EYS: variants seen among roughly 807,000 people sequenced by gnomAD.
The protein encoded by EYS is EGF-like photoreceptor maintenance factor, also known as protein eyes shut homolog.
EYS carries 250 observed loss-of-function variants against 282.1 expected under a neutral mutation model. The observed-to-expected ratio is 0.89, with a 90% CI of 0.80 to 0.98. EYS has a LOEUF of 0.98. Ranked by LOEUF, EYS falls within the 50% of genes least tolerant of loss-of-function variation. EYS has a pLI of 0.00. For missense variants in EYS, 4,016 were observed against 3,709.0 expected (o/e 1.08, Z -2.15); for synonymous variants, 1,355 against 1,282.9 (o/e 1.06, Z -1.20).
chr6:64,346,425 C>T (rs1043512275), intron 29 of EYS, among the ~76,000 whole-genome samples: 77 of 151,788 alleles, frequency 5.1e-4, no homozygotes, highest in Non-Finnish European at 9.1e-4. Context: ...AGCTGGAAAC[C>T]ATCATTCTCA....
intron 36 of EYS, among the ~76,000 whole-genome samples, chr6:63,840,052 T>C (rs1458852261): frequency 1.4e-5 from 2 of 148,038 alleles, no homozygotes; most frequent in Non-Finnish European, 3.0e-5. Flanking sequence ...CCATTTCTTT[T>C]TTTTTTTTTT....
intron 31 of EYS, among the ~76,000 whole-genome samples, chr6:64,167,999 A>T (rs1764348123): frequency 6.6e-6 from 1 of 152,216 alleles, no homozygotes; most frequent in South Asian, 2.1e-4. Context: ...GCAGTGGCTC[A>T]CGCCTGTAAT....
intron 26 of EYS, among the ~76,000 whole-genome samples, chr6:64,563,117 G>T (rs1266759432): frequency 6.6e-6 from 1 of 151,952 alleles, no homozygotes; most frequent in Non-Finnish European, 1.5e-5. Context: ...TAGTTTTAGA[G>T]ATGAAATTAA....
intron 12 of EYS, among the ~76,000 whole-genome samples, chr6:65,260,074 G>C (rs868760592): frequency 3.9e-5 from 6 of 152,148 alleles, no homozygotes; most frequent in Middle Eastern, 3.4e-3. Context: ...GGAGGCCTCA[G>C]GAAACTTAAA....
intron 26 of EYS, among the ~76,000 whole-genome samples, chr6:64,486,222 C>T (rs1279200759): frequency 3.3e-5 from 5 of 151,372 alleles, no homozygotes; most frequent in Admixed American, 6.6e-5. Flanking sequence ...AGCGAGAATA[C>T]AGTTATTTCT....
At chr6:65,106,144 C>T (rs542230689) in intron 12 of EYS, among the ~76,000 whole-genome samples, 32 of 151,976 alleles carry the variant, frequency 2.1e-4, no homozygotes, top group African/African-American at 7.2e-4. Context: ...GAAACTCTTA[C>T]GCAGTATGGA....
chr6:65,392,288 A>G (rs1259820852), intron 7 of EYS, among the ~76,000 whole-genome samples: 4 of 151,988 alleles, frequency 2.6e-5, no homozygotes, highest in East Asian at 1.9e-4. Flanking sequence ...AAAACACCAA[A>G]AGCAATGGCA....
intron 26 of EYS, among the ~76,000 whole-genome samples, chr6:64,498,629 C>A (rs1441280270): frequency 6.6e-6 from 1 of 151,906 alleles, no homozygotes; most frequent in Admixed American, 6.6e-5. Flanking sequence ...CCCTTTCCCC[C>A]CACCCACCAA....
chr6:64,254,892 A>G (rs1767339811), intron 30 of EYS, among the ~76,000 whole-genome samples: 1 of 152,140 alleles, frequency 6.6e-6, no homozygotes, highest in Non-Finnish European at 1.5e-5. Flanking sequence ...ATATAGAAGC[A>G]AAGTGAAAAG....
intron 12 of EYS, among the ~76,000 whole-genome samples, chr6:65,285,688 C>A (rs1768343337): frequency 6.6e-6 from 1 of 151,826 alleles, no homozygotes; most frequent in Non-Finnish European, 1.5e-5. Context: ...TGTATAGTGT[C>A]AACAAATATG....
At chr6:63,880,426 G>A (rs542699085) in intron 35 of EYS, among the ~76,000 whole-genome samples, 5 of 151,362 alleles carry the variant, frequency 3.3e-5, no homozygotes, top group African/African-American at 1.2e-4. Context: ...GATCATGTAA[G>A]TTAAAACTTA....
rs1393219608 is a variant in EYS at position 65,494,647 on chromosome 6, T to G, written c.748+16A>C. On this transcript the variant is annotated intron_variant, in intron 4 of 42. Coordinates refer to ENST00000503581, the MANE Select transcript of EYS (RefSeq NM_001142800.2). Reference sequence around the variant, plus strand: ...TTCTCTATTTTAATAAAATTATATATTTTAAACAATCTTACCTGTAAATGG... The same window carrying G: ...TTCTCTATTTTAATAAAATTATATAGTTTAAACAATCTTACCTGTAAATGG... 2 of 1,536,646 alleles carry G rather than the reference T, an allele frequency of 1.3e-6. No homozygotes were observed. The highest frequency in any genetic ancestry group is 1.2e-5 in the South Asian group (1 of 83,436).
At chr6:64,977,702 T>G (rs575650955) in intron 14 of EYS, among the ~76,000 whole-genome samples, 10 of 150,010 alleles carry the variant, frequency 6.7e-5, no homozygotes, top group African/African-American at 2.5e-4. Flanking sequence ...AAAATTTAAA[T>G]TGCCCCTCCA....
At chr6:64,399,773 G>T (rs1329228885) in intron 28 of EYS, among the ~76,000 whole-genome samples, 1 of 151,980 alleles carries the variant, frequency 6.6e-6, no homozygotes, top group South Asian at 2.1e-4. Flanking sequence ...AGAGTATCAA[G>T]ATGACTGAAT....
intron 19 of EYS, among the ~76,000 whole-genome samples, chr6:64,853,053 CTA>C (rs1265630465): frequency 6.6e-6 from 1 of 152,038 alleles, no homozygotes; most frequent in Non-Finnish European, 1.5e-5. Context: ...TTTGTTCACA[CTA>C]TGAAATTAGA....
chr6:65,319,967 A>T (rs62408700), intron 11 of EYS, among the ~76,000 whole-genome samples: 30,584 of 150,850 alleles, frequency 0.2, 3,349 homozygotes, highest in Middle Eastern at 0.26. Flanking sequence ...TATTTCCCCA[A>T]CTCCCCTACT....
rs1468755071 is a variant in EYS, at chr6:63,960,668, C to T, written c.7055+23715G>A. Among the ~76,000 whole-genome samples, 70 of 152,314 alleles carry T rather than the reference C, an allele frequency of 4.6e-4. 1 individual carries two copies. The highest frequency in any genetic ancestry group is 1.6e-3 in the African/African-American group (68 of 41,578). Reference sequence around the variant, plus strand: ...AGTGACCACTACTCTGGTTAGTCAGCAGTGATCAATATCAAGGACAGACTC... The same window carrying T: ...AGTGACCACTACTCTGGTTAGTCAGTAGTGATCAATATCAAGGACAGACTC... On this transcript the variant is annotated intron_variant, in intron 35 of 42. Coordinates refer to ENST00000503581, the MANE Select transcript of EYS (RefSeq NM_001142800.2).
chr6:65,488,582 C>T (rs1282645951), intron 5 of EYS, among the ~76,000 whole-genome samples: 1 of 152,110 alleles, frequency 6.6e-6, no homozygotes, highest in Non-Finnish European at 1.5e-5. Flanking sequence ...ATGTTATCCC[C>T]ATCAAGCTAC....
At chr6:64,976,533 T>C (rs1770480155) in intron 14 of EYS, among the ~76,000 whole-genome samples, 2 of 151,928 alleles carry the variant, frequency 1.3e-5, no homozygotes, top group African/African-American at 4.8e-5. Flanking sequence ...TAACTTTACA[T>C]GGCAGTAGGA....
Sources: allele counts gnomAD v4.1 joint callset (sites outside exome capture counted in the v4.1 genomes callset), GRCh38; gene constraint gnomAD v4.1.1; transcripts MANE v1.5; gene names NCBI Gene and HGNC (gene_info 2026-07-23, HGNC 2026-07-21).